Variants in ADCY9 observed in about 807,000 individuals in gnomAD.
The protein encoded by ADCY9 is adenylate cyclase type 9.
ADCY9 carries 50 observed loss-of-function variants against 101.5 expected under a neutral mutation model. The ratio of observed to expected loss-of-function variants is 0.49; its 90% CI spans 0.39 to 0.62. ADCY9 has a LOEUF of 0.62. Among genes scored for constraint, ADCY9 ranks in the 20% least tolerant of loss-of-function variants. ADCY9 has a pLI of 0.00. For synonymous variants in ADCY9, 905 were observed against 769.3 expected, an observed-to-expected ratio of 1.18 and a Z score of -2.92; for missense variants, 1,662 against 1,800.4, an observed-to-expected ratio of 0.92 and a Z score of 1.39.
chr16:4,043,022 G>A (rs1050570062), intron 2 of ADCY9, among the ~76,000 whole-genome samples: 3 of 152,002 alleles, frequency 2.0e-5, no homozygotes, highest in Non-Finnish European at 4.4e-5. Flanking sequence ...ACGAGGTCAG[G>A]AGATCGAGAC....
chr16:4,093,117 A>G (rs916883064), intron 2 of ADCY9, among the ~76,000 whole-genome samples: 5 of 152,242 alleles, frequency 3.3e-5, no homozygotes, highest in Non-Finnish European at 5.9e-5. Context: ...AAAGTGCTTT[A>G]TCTATTTCAG....
At chr16:4,058,333 C>A (rs529916257) in intron 2 of ADCY9, among the ~76,000 whole-genome samples, 3 of 150,700 alleles carry the variant, frequency 2.0e-5, no homozygotes, top group Non-Finnish European at 4.4e-5. Context: ...GGCATGGTGG[C>A]GTGCACCTGT....
rs541550582 is a variant in ADCY9 at position 3,983,688 on chromosome 16, G to A, written c.2311-248C>T. ...TCACGCCTGTAATCCCGACACTTTGGGAGGCTGACGTAGGAGGGTCGCTGG... is the reference window on the plus strand; with the variant it reads ...TCACGCCTGTAATCCCGACACTTTGAGAGGCTGACGTAGGAGGGTCGCTGG... On this transcript the variant is annotated intron_variant, in intron 6 of 10. Coordinates refer to ENST00000294016, the MANE Select transcript of ADCY9 (RefSeq NM_001116.4). 2.7e-4 allele frequency: 144 copies of A among 526,376 alleles called. 1 individual carries two copies. The highest frequency in any genetic ancestry group is 4.4e-4 in the Non-Finnish European group (128 of 293,566). The allele number at this position is 526,376 out of a possible 1,614,324, so 32.6% of individuals were successfully genotyped here.
At position 4,113,624 on chromosome 16, in the gene ADCY9, C is replaced by T; in HGVS notation, c.1693+126G>A. Reference sequence around the variant, plus strand: ...GAAAAGTCACACTGACCCTGAGATCCCCCCATGGTAAGGCATTCTGAGATA... The same window carrying T: ...GAAAAGTCACACTGACCCTGAGATCTCCCCATGGTAAGGCATTCTGAGATA... On this transcript the variant is annotated intron_variant, in intron 2 of 10. Transcript: ENST00000294016. 2 of 1,245,326 alleles carry T rather than the reference C, an allele frequency of 1.6e-6. 1 individual carries two copies. Among genetic ancestry groups the T allele is most frequent in the Non-Finnish European group, 2.2e-6 (2 of 892,304 alleles). 77.1% of individuals were successfully genotyped at this position (1,245,326 alleles called of 1,614,324 possible).
intron 10 of ADCY9, among the ~76,000 whole-genome samples, chr16:3,967,534 C>A (rs966367268): frequency 2.6e-5 from 4 of 151,514 alleles, no homozygotes; most frequent in Non-Finnish European, 5.9e-5. Flanking sequence ...GGATTACACG[C>A]ATGTACCACC....
At chr16:4,043,536 T>C (rs2141141012) in intron 2 of ADCY9, among the ~76,000 whole-genome samples, 1 of 151,350 alleles carries the variant, frequency 6.6e-6, no homozygotes, top group South Asian at 2.1e-4. Context: ...TAGCCAGGCA[T>C]GGTGGCACGT....
rs150666150 is a variant in ADCY9, at chr16:3,967,348, C to CTT, written c.2871-384_2871-383dup. Among the ~76,000 whole-genome samples, 430 of 150,844 alleles carry CTT rather than the reference C, an allele frequency of 2.9e-3. 3 individuals carry two copies. The highest frequency in any genetic ancestry group is 4.2e-3 in the South Asian group (20 of 4,776). ...TCGTTTTTCTTTTCTTTTTCTTTTTCTTTTTTTTTAGAAGTCTTTAGCTTC... is the reference window on the plus strand; with the variant it reads ...TCGTTTTTCTTTTCTTTTTCTTTTTCTTTTTTTTTTTAGAAGTCTTTAGCTTC... On this transcript the variant is annotated intron_variant, in intron 10 of 10. Coordinates refer to ENST00000294016, the MANE Select transcript of ADCY9 (RefSeq NM_001116.4).
intron 3 of ADCY9, among the ~76,000 whole-genome samples, chr16:3,998,480 A>G (rs1364817509): frequency 2.0e-5 from 3 of 151,900 alleles, no homozygotes; most frequent in Non-Finnish European, 2.9e-5. Flanking sequence ...GGAGGCCAAC[A>G]TGGGTGGATC....
chr16:4,063,564 T>G (rs1267361316), intron 2 of ADCY9, among the ~76,000 whole-genome samples: 5 of 151,800 alleles, frequency 3.3e-5, no homozygotes, highest in African/African-American at 1.2e-4. Flanking sequence ...AAAATAAAAA[T>G]TAGCTGGCCC....
At chr16:4,102,834 G>C (rs918042795) in intron 2 of ADCY9, among the ~76,000 whole-genome samples, 2 of 152,038 alleles carry the variant, frequency 1.3e-5, no homozygotes, top group African/African-American at 2.4e-5. Context: ...TGATTCTCCT[G>C]CCTCAACCTC....
chr16:3,984,798 GC>G (rs1424242470), intron 6 of ADCY9, among the ~76,000 whole-genome samples: 1 of 152,226 alleles, frequency 6.6e-6, no homozygotes, highest in African/African-American at 2.4e-5. Context: ...CAGGCTCGGG[GC>G]TGAGGGCAGG....
At chr16:3,999,801 TG>T (rs1414876339) in intron 3 of ADCY9, among the ~76,000 whole-genome samples, 3 of 152,184 alleles carry the variant, frequency 2.0e-5, no homozygotes, top group African/African-American at 4.8e-5. Flanking sequence ...CTAACACACT[TG>T]GGCACATTTG....
At position 3,962,676 on chromosome 16, in the gene ADCY9, G is replaced by A. The variant is rs1327549132; in HGVS notation, c.*3099C>T. The A allele has an allele frequency of 1.3e-5, 2 of 152,290 alleles. No individual in the cohort carries two copies. The highest frequency in any genetic ancestry group is 2.9e-5 in the Non-Finnish European group (2 of 68,036). 9.4% of individuals were successfully genotyped at this position (152,290 alleles called of 1,614,324 possible). ...TATTTAAATTTTAGAATATTTTAAT[G>A]TCCATTTCTTCAGTGAATGCATTTT... is the stretch of plus-strand genomic sequence containing the variant. On this transcript the variant is annotated 3_prime_UTR_variant, in exon 11 of 11. Coordinates refer to ENST00000294016, the MANE Select transcript of ADCY9 (RefSeq NM_001116.4).
In ADCY9 at chr16:3,963,919, T is replaced by G. The variant is rs1321814598; in HGVS notation, c.*1856A>C. 2.0e-5 allele frequency: 3 copies of G among 152,564 alleles called. No homozygotes were observed. Among genetic ancestry groups the G allele is most frequent in the Non-Finnish European group, 2.9e-5 (2 of 68,010 alleles). 9.5% of individuals were successfully genotyped at this position (152,564 alleles called of 1,614,324 possible). ...ATTGTCACAACCACCCTTTCTTCGG[T>G]ATTGGAAGACCAGCAAACTGACAGT... is the stretch of plus-strand genomic sequence containing the variant. On this transcript the variant is annotated 3_prime_UTR_variant, in exon 11 of 11. Coordinates refer to ENST00000294016, the MANE Select transcript of ADCY9 (RefSeq NM_001116.4).
In ADCY9 at chr16:4,084,934, G is replaced by A. The variant is rs540001441; in HGVS notation, c.1693+28816C>T. ...ACTTCAACTCCCGGCCTTCTAACTG[G>A]TTTAGCTACAGCCAAATAAAGTACA... On this transcript the variant is annotated intron_variant, in intron 2 of 10. Coordinates refer to ENST00000294016, the MANE Select transcript of ADCY9 (RefSeq NM_001116.4). Among the ~76,000 whole-genome samples, 49 of 152,210 alleles carry A rather than the reference G, an allele frequency of 3.2e-4. No homozygotes were observed. In the East Asian group the frequency reaches 4.6e-3, roughly 14 times the overall value.
rs769101516 is a variant in ADCY9, at chr16:3,966,330, A to G, written c.3507T>C (p.His1169=). ...CGATGACCCCGGCCGTGAGGGGCCC[A>G]TGGTTGAAGCCGACGCGGAGCTTGA... ...FNFKLRVGFN[H]GPLTAGVIGT... is the part of the protein sequence containing the mutation. The change falls in exon 11 of 11, where the codon CAT becomes CAC. Residue 1169 remains histidine (H), a synonymous_variant. Transcript: ENST00000294016. The G allele has an allele frequency of 1.4e-5, 22 of 1,613,974 alleles. No homozygotes were observed. The highest frequency in any genetic ancestry group is 6.7e-5 in the African/African-American group (5 of 74,904).
intron 2 of ADCY9, among the ~76,000 whole-genome samples, chr16:4,023,426 C>T (rs2056491698): frequency 6.6e-6 from 1 of 152,122 alleles, no homozygotes; most frequent in Non-Finnish European, 1.5e-5. Context: ...GGAGATATCA[C>T]AGTGAGATGG....
downstream of ADCY9, among the ~76,000 whole-genome samples, chr16:3,958,717 G>A (rs1483646172): frequency 7.6e-6 from 1 of 132,446 alleles, no homozygotes; most frequent in Non-Finnish European, 1.5e-5. Context: ...TGTCGCCCAG[G>A]CTGGAGTGCA....
chr16:4,043,862 G>C (rs1288157286), intron 2 of ADCY9, among the ~76,000 whole-genome samples: 1 of 152,088 alleles, frequency 6.6e-6, no homozygotes, highest in Admixed American at 6.6e-5. Flanking sequence ...GAGAAGAAAA[G>C]TTCATTAAAA....
Sources: gnomAD v4.1 joint callset for allele counts (sites outside exome capture counted in the v4.1 genomes callset) on GRCh38, gnomAD v4.1.1 for gene constraint, MANE v1.5 for transcripts, NCBI Gene and HGNC (gene_info 2026-07-23, HGNC 2026-07-21) for gene names.